PPP2R5C: variants seen among roughly 807,000 people sequenced by gnomAD.
The protein encoded by PPP2R5C is protein phosphatase 2 regulatory subunit B'gamma.
Under a neutral mutation model 68.9 loss-of-function variants are expected in PPP2R5C, and 7 were observed. That is an observed-to-expected ratio of 0.10 (90% CI 0.06 to 0.19). The LOEUF (loss-of-function observed/expected upper bound fraction) is 0.19, where lower values mean the gene tolerates loss of function less well. Among genes scored for constraint, PPP2R5C ranks in the 10% least tolerant of loss-of-function variants. The probability of loss-of-function intolerance (pLI) is 1.00; values close to 1 mark genes in which losing one functional copy is unlikely to be tolerated. For missense variants in PPP2R5C, 348 were observed against 641.3 expected (o/e 0.54, Z 4.94); for synonymous variants, 210 against 222.2 (o/e 0.95, Z 0.49).
At chr14:101,834,577 T>G (rs1481914196) in intron 1 of PPP2R5C, among the ~76,000 whole-genome samples, 1 of 152,226 alleles carries the variant, frequency 6.6e-6, no homozygotes, top group Admixed American at 6.5e-5. Context: ...GAAACTTCAC[T>G]GGTGCGTTGC....
intron 3 of PPP2R5C, among the ~76,000 whole-genome samples, chr14:101,790,625 C>T (rs2038314222): frequency 2.0e-5 from 3 of 152,220 alleles, no homozygotes; most frequent in Admixed American, 2.0e-4. Context: ...TTTATCCGTT[C>T]ACCAGTTAAT....
At chr14:101,908,787 A>T (rs2046213333) in intron 10 of PPP2R5C, among the ~76,000 whole-genome samples, 1 of 151,976 alleles carries the variant, frequency 6.6e-6, no homozygotes, top group Non-Finnish European at 1.5e-5. Context: ...TTCATAACTG[A>T]CTTCCAATCC....
At chr14:101,840,731 A>G (rs61995280) in intron 1 of PPP2R5C, among the ~76,000 whole-genome samples, 14,873 of 152,172 alleles carry the variant, frequency 0.098, 777 homozygotes, top group Middle Eastern at 0.14. Context: ...GCCCTGTTAC[A>G]AGATCAAGAA....
rs558695322 is a variant in PPP2R5C at position 101,899,900 on chromosome 14, C to T, written c.853-1819C>T. On this transcript the variant is annotated intron_variant, in intron 8 of 13. Transcript: ENST00000334743. The surrounding 1 kb of genome is among the most constrained non-coding windows in gnomAD (Gnocchi z 4.2). ...CACTTCCTTTTTTATTTTTATTTGG[C>T]TCTTTTGGGGTTTTTGTTTGTTTGT... 6.6e-6 allele frequency among the ~76,000 whole-genome samples: 1 copy of T among 151,938 alleles called. No homozygotes were observed. Among genetic ancestry groups the T allele is most frequent in the Non-Finnish European group, 1.5e-5 (1 of 67,974 alleles).
intron 1 of PPP2R5C, among the ~76,000 whole-genome samples, chr14:101,826,196 A>G (rs1042416247): frequency 6.6e-6 from 1 of 152,150 alleles, no homozygotes; most frequent in African/African-American, 2.4e-5. Flanking sequence ...TCCTATGCTT[A>G]TGGTGTCATA....
At chr14:101,784,558 AACTC>A (rs1405348989) in intron 2 of PPP2R5C, among the ~76,000 whole-genome samples, 6 of 152,002 alleles carry the variant, frequency 3.9e-5, no homozygotes, top group Non-Finnish European at 5.9e-5. Context: ...ATCTCCTGAG[AACTC>A]ACTCACTATC....
intron 1 of PPP2R5C, among the ~76,000 whole-genome samples, chr14:101,815,407 T>C (rs2039597190): frequency 6.6e-6 from 1 of 152,240 alleles, no homozygotes; most frequent in African/African-American, 2.4e-5. Context: ...AATAGGAGTT[T>C]GTTAAAGGTT....
intron 1 of PPP2R5C, among the ~76,000 whole-genome samples, chr14:101,841,345 C>T (rs2041457570): frequency 6.6e-6 from 1 of 152,178 alleles, no homozygotes; most frequent in South Asian, 2.1e-4. Flanking sequence ...AGTGCTGTGC[C>T]TTGAGTGTTT....
chr14:101,826,488 C>T (rs1180233246), intron 1 of PPP2R5C, among the ~76,000 whole-genome samples: 5 of 152,184 alleles, frequency 3.3e-5, no homozygotes, highest in African/African-American at 1.2e-4. Context: ...TTCCATTGGT[C>T]TGTATGTCTG....
intron 10 of PPP2R5C, among the ~76,000 whole-genome samples, chr14:101,907,777 G>A (rs1279065084): frequency 6.6e-6 from 1 of 152,132 alleles, no homozygotes; most frequent in Non-Finnish European, 1.5e-5. Context: ...CAGTCACCCT[G>A]CTGCCGGCGG....
chr14:101,912,680 A>C, intron 12 of PPP2R5C: 1 of 1,110,314 alleles, frequency 9.0e-7, no homozygotes, highest in Non-Finnish European at 1.2e-6. Context: ...CACAGAATTG[A>C]CTTTTTTCCT....
intron 6 of PPP2R5C, 54 bp from the exon 9 acceptor site, chr14:101,892,946 G>A: frequency 1.5e-6 from 2 of 1,336,324 alleles, no homozygotes; most frequent in South Asian, 1.2e-5. Flanking sequence ...CAAGATATTT[G>A]TTTAAAACCT....
chr14:101,765,031 T>TA (rs2036778717), intron 2 of PPP2R5C: 1 of 617,726 alleles, frequency 1.6e-6, no homozygotes, highest in Non-Finnish European at 2.9e-6. Context: ...AGTTCAAAGA[T>TA]ACCAAAATCA....
At chr14:101,864,825 G>T (rs1323629183) in intron 2 of PPP2R5C, among the ~76,000 whole-genome samples, 1 of 152,146 alleles carries the variant, frequency 6.6e-6, no homozygotes. Flanking sequence ...AGGACCTGAG[G>T]TTGGGTGGGA....
At chr14:101,851,913 G>C (rs892051553) in intron 1 of PPP2R5C, among the ~76,000 whole-genome samples, 4 of 152,030 alleles carry the variant, frequency 2.6e-5, no homozygotes, top group African/African-American at 9.7e-5. Context: ...TCTATGATTT[G>C]GTGGCTAAGC....
intron 2 of PPP2R5C, among the ~76,000 whole-genome samples, chr14:101,876,983 C>G (rs1566931360): frequency 8.8e-6 from 1 of 114,184 alleles, no homozygotes; most frequent in African/African-American, 3.5e-5. Context: ...GAGTCTCACT[C>G]TATTGCCCAG....
Position 101,906,277 on chromosome 14 carries a change from G to A in PPP2R5C, c.1024-125G>A. The A allele has an allele frequency of 1.9e-6, 2 of 1,075,388 alleles. No individual in the cohort carries two copies. The highest frequency in any genetic ancestry group is 2.6e-6 in the Non-Finnish European group (2 of 762,418). 66.6% of individuals were successfully genotyped at this position (1,075,388 alleles called of 1,614,324 possible). A position where few individuals can be genotyped will look rare whatever the true frequency, so the allele number is the denominator to read the frequency against. Reference sequence around the variant, plus strand: ...TTACAGTCTAGAATATTTTGAATTTGTAGAAATAATCATAATTTTCTGGTC... The same window carrying A: ...TTACAGTCTAGAATATTTTGAATTTATAGAAATAATCATAATTTTCTGGTC... On this transcript the variant is annotated intron_variant, in intron 9 of 13. Coordinates refer to ENST00000334743, the Ensembl canonical transcript of PPP2R5C. The surrounding 1 kb of genome is among the most constrained non-coding windows in gnomAD (Gnocchi z 4.0).
At chr14:101,837,823 C>T (rs1322608863) in intron 1 of PPP2R5C, among the ~76,000 whole-genome samples, 1 of 152,182 alleles carries the variant, frequency 6.6e-6, no homozygotes, top group Non-Finnish European at 1.5e-5. Context: ...TCCTCACAGT[C>T]CCTGTTCGAA....
chr14:101,878,937 T>C (rs2043969029), intron 2 of PPP2R5C, among the ~76,000 whole-genome samples: 1 of 152,250 alleles, frequency 6.6e-6, no homozygotes, highest in South Asian at 2.1e-4. Flanking sequence ...TTTTCAGTTA[T>C]CGCCTTTAAC....
Sources: gnomAD v4.1 joint callset for allele counts (sites outside exome capture counted in the v4.1 genomes callset) on GRCh38, gnomAD v4.1.1 for gene constraint, Gnocchi (gnomAD v3.1) non-coding constraint, MANE v1.5 for transcripts, NCBI Gene and HGNC (gene_info 2026-07-23, HGNC 2026-07-21) for gene names.